Variants in ARHGEF4 observed in about 807,000 individuals in gnomAD.
ARHGEF4 encodes the protein Rho guanine nucleotide exchange factor 4.
ARHGEF4 carries 119 observed loss-of-function variants against 162.0 expected under a neutral mutation model. The observed-to-expected ratio is 0.73, with a 90% CI of 0.63 to 0.86. ARHGEF4 has a LOEUF of 0.86. Among genes scored for constraint, ARHGEF4 ranks in the 40% least tolerant of loss-of-function variants. The pLI is 0.00. For missense variants in ARHGEF4, 2,488 were observed against 2,456.0 expected (o/e 1.01, Z -0.28); for synonymous variants, 1,014 against 979.9 (o/e 1.03, Z -0.65).
chr2:131,039,954 G>T (rs1415755597), intron 6 of ARHGEF4, 62 bp from the exon 7 acceptor site: 13 of 1,526,672 alleles, frequency 8.5e-6, no homozygotes, highest in Non-Finnish European at 1.1e-5. Flanking sequence ...CCGCTGCGGC[G>T]CAGGGCGCGG....
intron 1 of ARHGEF4, among the ~76,000 whole-genome samples, chr2:130,885,438 C>T (rs1050230655): frequency 6.6e-6 from 1 of 151,754 alleles, no homozygotes; most frequent in Non-Finnish European, 1.5e-5. Flanking sequence ...ACCCTCGTGG[C>T]CCAATCACAT....
intron 4 of ARHGEF4, among the ~76,000 whole-genome samples, chr2:130,993,332 T>G (rs1014836463): frequency 1.3e-5 from 2 of 152,212 alleles, no homozygotes; most frequent in African/African-American, 4.8e-5. Context: ...TTCTGGCATA[T>G]TTGTATTAGG....
intron 1 of ARHGEF4, among the ~76,000 whole-genome samples, chr2:130,853,674 C>T (rs1486338024): frequency 6.6e-6 from 1 of 152,172 alleles, no homozygotes; most frequent in South Asian, 2.1e-4. Flanking sequence ...TTTGGCTCTC[C>T]TAGGGGCCTA....
rs80157480 is a variant in ARHGEF4, at chr2:130,999,077, T to C, written c.3986-28868T>C. Among the ~76,000 whole-genome samples, 743 of 152,336 alleles carry C rather than the reference T, an allele frequency of 4.9e-3. 7 individuals are homozygous for C. The highest frequency in any genetic ancestry group is 0.017 in the African/African-American group (715 of 41,586). On this transcript the variant is annotated intron_variant, in intron 4 of 13. Transcript: ENST00000409359. ...TCCCTAATGACATACCTGTATATCT[T>C]CTTTGGTGAGATGTTTGTTCAGACC...
Position 130,931,071 on chromosome 2 carries a change from C to A in ARHGEF4, c.3672C>A (p.Ala1224=). Residue 1224 remains alanine (A), a synonymous_variant, in exon 3 of 14, where the codon GCC becomes GCA. Transcript: ENST00000409359. ...PCFTTDMVTW[A]LLCISAETVR... Reference sequence around the variant, plus strand: ...TCACCACTGACATGGTGACATGGGCCCTCCTCTGCATCTCTGCAGAGACTG... The same window carrying A: ...TCACCACTGACATGGTGACATGGGCACTCCTCTGCATCTCTGCAGAGACTG... 1 of 1,614,194 alleles carries A rather than the reference C, an allele frequency of 6.2e-7. No individual in the cohort carries two copies. Among genetic ancestry groups the A allele is most frequent in the South Asian group, 1.1e-5 (1 of 91,080 alleles).
Position 131,040,432 on chromosome 2 carries a change from C to G in ARHGEF4, c.4654C>G (p.Leu1552Val). 1 of 1,589,026 alleles carries G rather than the reference C, an allele frequency of 6.3e-7. No individual in the cohort carries two copies. Among genetic ancestry groups the G allele is most frequent in the Non-Finnish European group, 8.6e-7 (1 of 1,167,550 alleles). The change falls in exon 8 of 14, where the codon CTG becomes GTG. Residue 1552 changes from leucine (L) to valine (V), a missense_variant. Leu to Val is a conservative substitution (Grantham distance 32). This residue lies in a region of ARHGEF4 where 415 missense variants were observed against 512.4 expected (regional missense o/e 0.81). Coordinates refer to ENST00000409359, the MANE Select transcript of ARHGEF4 (RefSeq NM_001367493.1). The part of the protein sequence containing the change: ...PHLSELGACF[L>V]EHQADFQIYS... ...CCTGAGCGAGCTGGGTGCCTGCTTC[C>G]TGGAGCATGTGAGCGCGCGGCCCCC...
chr2:130,971,145 T>C (rs1685333861), intron 4 of ARHGEF4, among the ~76,000 whole-genome samples: 1 of 152,228 alleles, frequency 6.6e-6, no homozygotes, highest in Non-Finnish European at 1.5e-5. Context: ...TGTCCAATTT[T>C]TATAGCACCA....
At chr2:131,014,347 G>A (rs189798327) in intron 4 of ARHGEF4, among the ~76,000 whole-genome samples, 1 of 152,300 alleles carries the variant, frequency 6.6e-6, no homozygotes, top group Non-Finnish European at 1.5e-5. Flanking sequence ...GCTAAATCAT[G>A]ACACAGCCAT....
rs373401002 is a variant in ARHGEF4 at position 130,978,978 on chromosome 2, T to C, written c.3985+32343T>C. On this transcript the variant is annotated intron_variant, in intron 4 of 13. Transcript: ENST00000409359. The stretch of plus-strand genomic sequence containing the variant: ...TAATCCAATGGCACAATCTCCAAAG[T>C]TATCAGAAACCTGCACTCACGAGTC... Among the ~76,000 whole-genome samples the C allele has an allele frequency of 5.9e-5, 9 of 152,298 alleles. No individual in the cohort carries two copies. The East Asian group carries it at 9.6e-4, about 16-fold the overall frequency.
intron 8 of ARHGEF4, among the ~76,000 whole-genome samples, 167 bp downstream of exon 8, chr2:131,040,607 G>A (rs996642003): frequency 1.3e-5 from 2 of 152,216 alleles, no homozygotes; most frequent in South Asian, 2.1e-4. Flanking sequence ...ACAGTTTTAG[G>A]ATGGTCTCTG....
intron 1 of ARHGEF4, among the ~76,000 whole-genome samples, chr2:130,844,600 C>T (rs1235880809): frequency 6.6e-6 from 1 of 152,130 alleles, no homozygotes; most frequent in Admixed American, 6.5e-5. Context: ...GAAGCTGCCC[C>T]TCTTCCCAGG....
chr2:131,025,075 A>G (rs988198344), intron 4 of ARHGEF4, among the ~76,000 whole-genome samples: 1 of 152,188 alleles, frequency 6.6e-6, no homozygotes, highest in Non-Finnish European at 1.5e-5. Flanking sequence ...CTATAAAAAA[A>G]TACCTGAGAC....
chr2:130,868,092 A>T (rs1434255411), intron 1 of ARHGEF4, among the ~76,000 whole-genome samples: 1 of 150,868 alleles, frequency 6.6e-6, no homozygotes, highest in South Asian at 2.1e-4. Flanking sequence ...CGCCTGGCTA[A>T]TTTTTTGTAT....
In ARHGEF4 at chr2:130,916,528, CGCAGGCT is replaced by C; in HGVS notation, c.2589_2595del (p.Ala864ThrfsTer58). ...GCCAGCGCCTGGCCCGAGTTTGTCC[CGCAGGCT>C]GCAGGCGACAGGACTGCAGGGCCGG... On this transcript the variant is annotated frameshift_variant, in exon 2 of 14. Coordinates refer to ENST00000409359, the MANE Select transcript of ARHGEF4 (RefSeq NM_001367493.1). LOFTEE classifies it high-confidence loss of function. 6.5e-7 allele frequency: 1 copy of C among 1,549,706 alleles called. No homozygotes were observed. The highest frequency in any genetic ancestry group is 8.7e-7 in the Non-Finnish European group (1 of 1,146,868).
At chr2:131,033,455 ACTCAGTG>A (rs1690008421) in intron 5 of ARHGEF4, among the ~76,000 whole-genome samples, 1 of 152,094 alleles carries the variant, frequency 6.6e-6, no homozygotes, top group African/African-American at 2.4e-5. Context: ...ACCCTCCAGC[ACTCAGTG>A]CCTTTGCCGG....
At chr2:130,945,140 G>T (rs1257929214) in intron 3 of ARHGEF4, among the ~76,000 whole-genome samples, 1 of 152,050 alleles carries the variant, frequency 6.6e-6, no homozygotes, top group Non-Finnish European at 1.5e-5. Flanking sequence ...TTGGGGGTAA[G>T]TGCGGGAACT....
At chr2:130,990,892 T>C (rs1217242874) in intron 4 of ARHGEF4, among the ~76,000 whole-genome samples, 1 of 152,138 alleles carries the variant, frequency 6.6e-6, no homozygotes, top group African/African-American at 2.4e-5. Flanking sequence ...ATCTTAGACA[T>C]GTACCTCACA....
In ARHGEF4 at chr2:130,836,925, G is replaced by GCCGGGCT; in HGVS notation, c.-22_-16dup. On this transcript the variant is annotated 5_prime_UTR_variant, in exon 1 of 14. Coordinates refer to ENST00000409359, the MANE Select transcript of ARHGEF4 (RefSeq NM_001367493.1). ...CGGCGGCGCGGCTCGTAGTGCTGCG[G>GCCGGGCT]CCGGGCTCCGGGCGTCCCGGCGGCC... The GCCGGGCT allele has an allele frequency of 2.5e-6, 3 of 1,223,184 alleles. No individual in the cohort carries two copies. Among genetic ancestry groups the GCCGGGCT allele is most frequent in the Non-Finnish European group, 2.0e-6 (2 of 982,352 alleles). 75.8% of individuals were successfully genotyped at this position (1,223,184 alleles called of 1,614,324 possible).
At chr2:130,950,780 C>A (rs1347826632) in intron 4 of ARHGEF4, among the ~76,000 whole-genome samples, 1 of 151,036 alleles carries the variant, frequency 6.6e-6, no homozygotes, top group African/African-American at 2.4e-5. Flanking sequence ...CATGTAGGAA[C>A]TGGTTTTGTG....
Sources: allele counts gnomAD v4.1 joint callset (sites outside exome capture counted in the v4.1 genomes callset), GRCh38; gene constraint gnomAD v4.1.1; regional missense constraint gnomAD v4.1.1; transcripts MANE v1.5; gene names NCBI Gene and HGNC (gene_info 2026-07-23, HGNC 2026-07-21).